The following DCT variants were observed in gnomAD, a reference collection of about 807,000 sequenced individuals.
The protein encoded by DCT is L-dopachrome tautomerase.
In DCT, 47 loss-of-function variants were observed where a neutral mutation model predicts 53.0. The ratio of observed to expected loss-of-function variants is 0.89; its 90% CI spans 0.70 to 1.13. The LOEUF (loss-of-function observed/expected upper bound fraction) is 1.13, where lower values mean the gene tolerates loss of function less well. Ranked by LOEUF, DCT falls within the 50% of genes most tolerant of loss-of-function variation. The pLI, the probability that DCT is intolerant of heterozygous loss-of-function variation, is 0.00. For synonymous variants in DCT, 244 were observed against 237.0 expected (o/e 1.03, Z -0.27); for missense variants, 669 against 637.4 (o/e 1.05, Z -0.53).
intron 6 of DCT, among the ~76,000 whole-genome samples, chr13:94,447,362 C>T (rs1222858487): frequency 6.6e-6 from 1 of 152,190 alleles, no homozygotes; most frequent in African/African-American, 2.4e-5. Context: ...CAACCTAGGG[C>T]CCTCTCAGGT....
the DCT span, among the ~76,000 whole-genome samples, chr13:94,516,017 T>C: frequency 7.1e-6 from 1 of 140,372 alleles, no homozygotes; most frequent in African/African-American, 2.6e-5. Context: ...AAGACAAAGA[T>C]AAGCAGCAAC....
the DCT span, among the ~76,000 whole-genome samples, chr13:94,489,429 A>G: frequency 6.6e-6 from 1 of 152,324 alleles, no homozygotes; most frequent in East Asian, 1.9e-4. Context: ...CAGATTCCTC[A>G]TCTGTAAACC....
the DCT span, among the ~76,000 whole-genome samples, chr13:94,487,663 C>T: frequency 1.9e-4 from 29 of 152,166 alleles, no homozygotes; most frequent in African/African-American, 6.0e-4. Flanking sequence ...TGCTTGCCAA[C>T]GAGTTGCCTG....
intron 6 of DCT, among the ~76,000 whole-genome samples, chr13:94,447,531 T>C (rs1401155791): frequency 6.6e-6 from 1 of 152,180 alleles, no homozygotes; most frequent in Non-Finnish European, 1.5e-5. Flanking sequence ...GGCCCAGGGG[T>C]TGGGGACCCC....
At chr13:94,536,753 G>A in the DCT span, among the ~76,000 whole-genome samples, 1 of 152,200 alleles carries the variant, frequency 6.6e-6, no homozygotes, top group East Asian at 1.9e-4. Flanking sequence ...GACCAGCCTG[G>A]CCAACATGGT....
chr13:94,444,293 A>C (rs1882570206), intron 6 of DCT: 1 of 402,282 alleles, frequency 2.5e-6, no homozygotes, highest in Non-Finnish European at 5.0e-6. Context: ...TCTGGTCCCA[A>C]GCATTTCAGA....
the DCT span, among the ~76,000 whole-genome samples, chr13:94,529,554 G>A: frequency 4.6e-5 from 7 of 152,156 alleles, no homozygotes; most frequent in Admixed American, 1.3e-4. Context: ...CGTAAATAAC[G>A]AAATGAAGGC....
chr13:94,541,578 C>T, the DCT span, among the ~76,000 whole-genome samples: 2 of 152,044 alleles, frequency 1.3e-5, no homozygotes, highest in Non-Finnish European at 2.9e-5. Flanking sequence ...TAATTTATTG[C>T]ATAGGTTGGT....
the DCT span, among the ~76,000 whole-genome samples, chr13:94,486,346 G>A: frequency 6.6e-6 from 1 of 152,108 alleles, no homozygotes; most frequent in African/African-American, 2.4e-5. Context: ...TCTAATTTAA[G>A]TGAATTGATT....
the DCT span, among the ~76,000 whole-genome samples, chr13:94,527,297 C>T: frequency 6.6e-6 from 1 of 152,214 alleles, no homozygotes; most frequent in South Asian, 2.1e-4. Context: ...GCATGGTGTT[C>T]GAGCTCCAAG....
the DCT span, among the ~76,000 whole-genome samples, chr13:94,527,022 G>A: frequency 6.6e-6 from 1 of 152,160 alleles, no homozygotes; most frequent in South Asian, 2.1e-4. Context: ...CTCACTGCTA[G>A]CACAACAGTC....
chr13:94,460,794 C>A (rs948768150), intron 5 of DCT, among the ~76,000 whole-genome samples: 48 of 152,066 alleles, frequency 3.2e-4, no homozygotes, highest in African/African-American at 1.1e-3. Flanking sequence ...TTTTCTACCA[C>A]CATAGAAAGA....
chr13:94,441,921 A>T (rs531536588), intron 7 of DCT, among the ~76,000 whole-genome samples: 18 of 152,242 alleles, frequency 1.2e-4, no homozygotes, highest in African/African-American at 4.3e-4. Flanking sequence ...GAATCCCCAT[A>T]CTGTTTTCCA....
In DCT at chr13:94,439,948, G is replaced by T. The variant is rs764123888; in HGVS notation, c.1510C>A (p.Pro504Thr). The T allele has an allele frequency of 6.2e-7, 1 of 1,614,000 alleles. No homozygotes were observed. Among genetic ancestry groups the T allele is most frequent in the Admixed American group, 1.7e-5 (1 of 60,014 alleles). Residue 504 changes from proline (P) to threonine (T), a missense_variant, in exon 8 of 8, where the codon CCC (proline) becomes ACC (threonine). By Grantham distance (38) the Pro-to-Thr change is conservative. Transcript: ENST00000377028. ...QYRRLRKGYT[P>T]LMETHLSSKR... ...CTGCTTAAATGTGTCTCCATTAGGG[G>T]TGTATATCCTTTTCGAAGTCTTCTA... is the stretch of plus-strand genomic sequence containing the variant.
At chr13:94,482,426 C>G (rs1885482111), upstream of DCT, among the ~76,000 whole-genome samples, 1 of 152,178 alleles carries the variant, frequency 6.6e-6, no homozygotes, top group Non-Finnish European at 1.5e-5. Flanking sequence ...GCTCAGAGCC[C>G]TCAGCTTCTC....
chr13:94,458,975 C>G (rs2139319694), intron 6 of DCT, among the ~76,000 whole-genome samples: 1 of 152,142 alleles, frequency 6.6e-6, no homozygotes, highest in South Asian at 2.1e-4. Context: ...CTCCCAGGCT[C>G]AAGTGATCCT....
At chr13:94,526,821 G>A in the DCT span, among the ~76,000 whole-genome samples, 14 of 152,220 alleles carry the variant, frequency 9.2e-5, no homozygotes, top group South Asian at 2.1e-4. Flanking sequence ...GCAGGGTGTC[G>A]CCTCACCCAG....
chr13:94,496,846 T>C, the DCT span, among the ~76,000 whole-genome samples: 1 of 152,144 alleles, frequency 6.6e-6, no homozygotes, highest in Non-Finnish European at 1.5e-5. Context: ...TAGTGTCTAG[T>C]GGGCTGTGAA....
intron 1 of DCT, among the ~76,000 whole-genome samples, chr13:94,472,534 A>ATTTTTTTTTTTTTTTTTTTTTTTTTTTTT (rs1884731645): frequency 5.1e-5 from 1 of 19,736 alleles, no homozygotes; most frequent in Non-Finnish European, 8.6e-5. Flanking sequence ...ATATATATAT[A>ATTTTTTTTTTTTTTTTTTTTTTTTTTTTT]TATATATATA....
Sources: allele counts gnomAD v4.1 joint callset (sites outside exome capture counted in the v4.1 genomes callset), GRCh38; gene constraint gnomAD v4.1.1; transcripts MANE v1.5; gene names NCBI Gene and HGNC (gene_info 2026-07-23, HGNC 2026-07-21).